The following NUP210L variants were observed in gnomAD, a reference collection of about 807,000 sequenced individuals.
NUP210L encodes nuclear pore membrane glycoprotein 210-like.
A neutral mutation model predicts 208.5 loss-of-function variants in NUP210L; 74 were observed. The ratio of observed to expected loss-of-function variants is 0.35; its 90% confidence interval spans 0.29 to 0.43. The LOEUF is 0.43. Among genes scored for constraint, NUP210L ranks in the 20% least tolerant of loss-of-function variants. The pLI is 1.00. For missense variants in NUP210L, 1,843 were observed against 2,289.4 expected (o/e 0.81, Z 3.98); for synonymous variants, 780 against 816.9 (o/e 0.95, Z 0.77).
At chr1:154,010,040 C>G in exon 35 of NUP210L, 1 of 1,613,658 alleles carries the variant, frequency 6.2e-7, no homozygotes, top group Non-Finnish European at 8.5e-7. Context: ...CAAAGTATTA[C>G]TGAACTGTAC....
At chr1:153,996,224 G>A (rs548174297) in intron 37 of NUP210L, among the ~76,000 whole-genome samples, 4 of 151,876 alleles carry the variant, frequency 2.6e-5, no homozygotes, top group South Asian at 4.2e-4. Flanking sequence ...CCCGGGAGGC[G>A]GAGCTAGCAG....
At chr1:154,015,959 T>A (rs1447024655) in intron 33 of NUP210L, among the ~76,000 whole-genome samples, 2 of 145,882 alleles carry the variant, frequency 1.4e-5, no homozygotes, top group African/African-American at 5.0e-5. Flanking sequence ...TAAATAAAAA[T>A]AAAAAAAATA....
chr1:154,030,692 G>C (rs148246505), intron 27 of NUP210L, among the ~76,000 whole-genome samples: 1,861 of 152,202 alleles, frequency 0.012, 25 homozygotes, highest in Non-Finnish European at 0.018. Context: ...ATCAGGGTAA[G>C]TGGGGTATGC....
chr1:153,996,216 C>T (rs1359481024), intron 37 of NUP210L, among the ~76,000 whole-genome samples: 1 of 151,962 alleles, frequency 6.6e-6, no homozygotes, highest in Non-Finnish European at 1.5e-5. Context: ...GGCGTGAACC[C>T]GGGAGGCGGA....
At chr1:154,119,126 T>C (rs374736930) in intron 10 of NUP210L, among the ~76,000 whole-genome samples, 3 of 152,180 alleles carry the variant, frequency 2.0e-5, no homozygotes, top group African/African-American at 7.2e-5. Flanking sequence ...AAACCATACT[T>C]TCAGAAGAAA....
Position 154,058,224 on chromosome 1 carries a change from T to C in NUP210L, c.2980-8A>G, listed in dbSNP as rs1402030083. ...AGTTTTGTCTATTTCAACCTAGTAGTTAAAAAGAAAAAGATTTTAGCAAAG... is the reference window on the plus strand; with the variant it reads ...AGTTTTGTCTATTTCAACCTAGTAGCTAAAAAGAAAAAGATTTTAGCAAAG... On this transcript the variant is annotated splice_polypyrimidine_tract_variant and splice_region_variant and intron_variant, in intron 21 of 39. Coordinates refer to ENST00000368559, the Ensembl canonical transcript of NUP210L. 38 of 1,612,878 alleles carry C rather than the reference T, an allele frequency of 2.4e-5. No homozygotes were observed. Among genetic ancestry groups the C allele is most frequent in the Non-Finnish European group, 3.1e-5 (36 of 1,179,612 alleles).
chr1:154,060,125 G>C (rs1336347640), intron 20 of NUP210L, among the ~76,000 whole-genome samples: 3 of 152,128 alleles, frequency 2.0e-5, no homozygotes, highest in Non-Finnish European at 4.4e-5. Context: ...TGTAATCCCA[G>C]CTACTCAGGA....
chr1:154,154,798 G>T, intron 1 of NUP210L, 44 bp downstream of exon 1: 1 of 1,455,642 alleles, frequency 6.9e-7, no homozygotes, highest in Non-Finnish European at 9.7e-7. Context: ...ACCCTTACTG[G>T]ATGGTAGTGA....
At chr1:154,052,235 T>C (rs947210460) in intron 25 of NUP210L, among the ~76,000 whole-genome samples, 2 of 152,216 alleles carry the variant, frequency 1.3e-5, no homozygotes, top group African/African-American at 4.8e-5. Context: ...GTAGAGGTTA[T>C]GCTTGTGTTT....
At chr1:154,077,005 T>G (rs1655070382) in intron 16 of NUP210L, among the ~76,000 whole-genome samples, 1 of 152,140 alleles carries the variant, frequency 6.6e-6, no homozygotes, top group Non-Finnish European at 1.5e-5. Context: ...TCATAAGGGA[T>G]CTTCCATGGG....
intron 2 of NUP210L, among the ~76,000 whole-genome samples, chr1:154,148,435 A>G (rs1213164005): frequency 2.6e-5 from 4 of 152,190 alleles, no homozygotes; most frequent in African/African-American, 9.7e-5. Context: ...GTGAGCCCAG[A>G]TAGTGCCAGT....
At chr1:154,061,516 C>T (rs1654136165) in intron 18 of NUP210L, 70 bp downstream of exon 18, 1 of 966,094 alleles carries the variant, frequency 1.0e-6, no homozygotes, top group Non-Finnish European at 1.6e-6. Context: ...GTAAGTTGTA[C>T]AACTTTTAAA....
intron 10 of NUP210L, among the ~76,000 whole-genome samples, chr1:154,124,118 C>T (rs544458353): frequency 6.9e-6 from 1 of 145,856 alleles, no homozygotes; most frequent in East Asian, 2.0e-4. Context: ...ACACAGGAGG[C>T]GGAGGTTGCA....
intron 27 of NUP210L, among the ~76,000 whole-genome samples, chr1:154,043,016 A>G (rs1652977242): frequency 8.8e-6 from 1 of 113,122 alleles, no homozygotes. Context: ...CCAGCCCATT[A>G]AGACCTTTTT....
chr1:154,016,549 A>G (rs1651258528), intron 33 of NUP210L, among the ~76,000 whole-genome samples: 1 of 152,118 alleles, frequency 6.6e-6, no homozygotes, highest in Admixed American at 6.6e-5. Flanking sequence ...TCATAAAAAA[A>G]AAAATCCACA....
At chr1:154,004,448 A>T (rs1650390457) in intron 35 of NUP210L, among the ~76,000 whole-genome samples, 1 of 150,340 alleles carries the variant, frequency 6.7e-6, no homozygotes, top group African/African-American at 2.5e-5. Flanking sequence ...GCTCACTTCA[A>T]GCTCTGCCTC....
Position 154,039,085 on chromosome 1 carries a change from C to T in NUP210L, c.3696+6984G>A, listed in dbSNP as rs190247463. ...ATAATATTCTGTGGTTTTCTGTGTA[C>T]TTACTATTACCAGTGAGTTTTGTAT... On this transcript the variant is annotated intron_variant, in intron 27 of 39. Coordinates refer to ENST00000368559, the Ensembl canonical transcript of NUP210L. Among the ~76,000 whole-genome samples, 142 of 152,204 alleles carry T rather than the reference C, an allele frequency of 9.3e-4. 1 individual carries two copies. Among genetic ancestry groups the T allele is most frequent in the South Asian group, 1.5e-3 (7 of 4,824 alleles).
intron 12 of NUP210L, among the ~76,000 whole-genome samples, chr1:154,108,449 T>C (rs1656880082): frequency 1.3e-5 from 2 of 152,216 alleles, no homozygotes; most frequent in Non-Finnish European, 2.9e-5. Context: ...ATTACAGGCA[T>C]GAGCCACTGC....
At chr1:154,009,827 G>T in intron 35 of NUP210L, 145 bp downstream of exon 35, 1 of 618,362 alleles carries the variant, frequency 1.6e-6, no homozygotes, top group Non-Finnish European at 2.5e-6. Flanking sequence ...GAGTTGAACG[G>T]GTTGAACAAA....
Sources: gnomAD v4.1 joint callset for allele counts (sites outside exome capture counted in the v4.1 genomes callset) on GRCh38, gnomAD v4.1.1 for gene constraint, MANE v1.5 for transcripts, NCBI Gene and HGNC (gene_info 2026-07-23, HGNC 2026-07-21) for gene names.